Variants in APBB2 observed in about 807,000 individuals in gnomAD.
The protein encoded by APBB2 is Fe65-like 1.
Under a neutral mutation model 82.5 loss-of-function variants are expected in APBB2, and 38 were observed. That is an observed-to-expected ratio of 0.46 (90% CI 0.36 to 0.60). The LOEUF is 0.60. APBB2 is among the 20% of genes least tolerant of loss of function. The pLI is 0.00. For missense variants in APBB2, 772 were observed against 972.3 expected (o/e 0.79, Z 2.74); for synonymous variants, 341 against 368.2 (o/e 0.93, Z 0.85).
At chr4:40,936,452 C>T (rs536681378) in intron 7 of APBB2, among the ~76,000 whole-genome samples, 1 of 152,078 alleles carries the variant, frequency 6.6e-6, no homozygotes, top group Admixed American at 6.6e-5. Context: ...GATGGGGGTT[C>T]CATTATGCTA....
chr4:40,871,458 T>C (rs1044319408), intron 12 of APBB2, among the ~76,000 whole-genome samples: 1 of 152,250 alleles, frequency 6.6e-6, no homozygotes, highest in Non-Finnish European at 1.5e-5. Context: ...ACTCCTTTTC[T>C]GAAGTTTCCT....
intron 5 of APBB2, among the ~76,000 whole-genome samples, chr4:41,024,564 C>G (rs1007630658): frequency 6.6e-6 from 1 of 152,106 alleles, no homozygotes; most frequent in Admixed American, 6.5e-5. Context: ...AAGCCTGGAC[C>G]CAGGTGAAGT....
At chr4:40,909,649 G>A (rs1380076149) in intron 10 of APBB2, among the ~76,000 whole-genome samples, 1 of 152,182 alleles carries the variant, frequency 6.6e-6, no homozygotes, top group African/African-American at 2.4e-5. Flanking sequence ...AGAATGTCAT[G>A]GAACAAATTA....
At chr4:41,159,271 CAGGA>C (rs1764246220) in intron 1 of APBB2, among the ~76,000 whole-genome samples, 1 of 151,926 alleles carries the variant, frequency 6.6e-6, no homozygotes, top group South Asian at 2.1e-4. Flanking sequence ...TGATAGGAAA[CAGGA>C]AGGAAGAAGG....
At chr4:41,071,084 G>T (rs1733715904) in intron 3 of APBB2, among the ~76,000 whole-genome samples, 1 of 152,180 alleles carries the variant, frequency 6.6e-6, no homozygotes, top group Admixed American at 6.5e-5. Context: ...AAAATGCCAA[G>T]AATTCTCTCC....
intron 6 of APBB2, among the ~76,000 whole-genome samples, chr4:40,960,753 T>A (rs955278771): frequency 6.6e-6 from 1 of 152,176 alleles, no homozygotes; most frequent in South Asian, 2.1e-4. Context: ...CGCCACTTTT[T>A]TTCTGTTTTT....
chr4:41,019,334 G>A (rs970269053), intron 5 of APBB2, among the ~76,000 whole-genome samples: 1 of 152,092 alleles, frequency 6.6e-6, no homozygotes, highest in Non-Finnish European at 1.5e-5. Flanking sequence ...AGAAGAGAAG[G>A]GACAAGACCG....
intron 1 of APBB2, among the ~76,000 whole-genome samples, chr4:41,212,316 C>A (rs184205709): frequency 4.3e-4 from 66 of 152,154 alleles, no homozygotes; most frequent in African/African-American, 1.5e-3. Flanking sequence ...AGTGTAAACA[C>A]CAGTATTTTG....
intron 4 of APBB2, among the ~76,000 whole-genome samples, chr4:41,064,304 G>A (rs1319623503): frequency 1.3e-5 from 2 of 151,988 alleles, no homozygotes; most frequent in African/African-American, 4.8e-5. Context: ...ACAGACTTGA[G>A]CCACTGCTGG....
At chr4:40,884,896 GATC>G (rs1769777576) in intron 12 of APBB2, among the ~76,000 whole-genome samples, 1 of 152,150 alleles carries the variant, frequency 6.6e-6, no homozygotes, top group Admixed American at 6.5e-5. Context: ...AAGTTCCTGA[GATC>G]ATAATCAGAT....
At chr4:40,862,179 T>C (rs1762915783) in intron 12 of APBB2, among the ~76,000 whole-genome samples, 1 of 152,228 alleles carries the variant, frequency 6.6e-6, no homozygotes, top group East Asian at 1.9e-4. Context: ...ATTTGTTTGA[T>C]TACATGAGTA....
At chr4:40,911,046 T>C (rs1326931301) in intron 10 of APBB2, among the ~76,000 whole-genome samples, 2 of 152,274 alleles carry the variant, frequency 1.3e-5, no homozygotes, top group African/African-American at 4.8e-5. Flanking sequence ...ACACGGCAAG[T>C]TGCTGACCTT....
chr4:40,930,464 CGCGTGCGCGT>C lies in APBB2; in HGVS notation c.1254+3982_1254+3991del, dbSNP rs761396130. On this transcript the variant is annotated intron_variant, in intron 10 of 17. Coordinates refer to ENST00000508593, the MANE Select transcript of APBB2 (RefSeq NM_004307.2). Reference sequence around the variant, plus strand: ...GTGTGTGTGTGCGCGCGCGCGCGCGCGCGTGCGCGTGCGCGTATGCGTGTGTATGTGTGTG... The same window carrying C: ...GTGTGTGTGTGCGCGCGCGCGCGCGCGCGCGTATGCGTGTGTATGTGTGTG... Among the ~76,000 whole-genome samples, 949 of 133,028 alleles carry C rather than the reference CGCGTGCGCGT, an allele frequency of 7.1e-3. 10 individuals carry two copies. The highest frequency in any genetic ancestry group is 9.0e-3 in the Admixed American group (129 of 14,266). 87.3% of individuals were successfully genotyped at this position (133,028 alleles called of 152,430 possible). A position where few individuals can be genotyped will look rare whatever the true frequency, so the allele number is the denominator to read the frequency against.
intron 2 of APBB2, among the ~76,000 whole-genome samples, chr4:41,124,469 C>CA: frequency 6.6e-6 from 1 of 152,242 alleles, no homozygotes; most frequent in Non-Finnish European, 1.5e-5. Flanking sequence ...CCCCAAATCC[C>CA]AAAGTGCTGG....
chr4:41,161,227 A>G lies in APBB2; in HGVS notation c.-416-18085T>C, dbSNP rs548361665. ...AGTTTGGAATTGTGATTTGGCAAAT[A>G]TACAGCTTGGGTGAAACCATGACTT... On this transcript the variant is annotated intron_variant, in intron 1 of 17. Coordinates refer to ENST00000508593, the MANE Select transcript of APBB2 (RefSeq NM_004307.2). Among the ~76,000 whole-genome samples the G allele has an allele frequency of 2.0e-5, 3 of 151,448 alleles. No individual in the cohort carries two copies. The South Asian group carries it at 6.3e-4, about 32-fold the overall frequency.
At chr4:41,149,269 T>C (rs1761581242) in intron 1 of APBB2, among the ~76,000 whole-genome samples, 1 of 152,154 alleles carries the variant, frequency 6.6e-6, no homozygotes, top group African/African-American at 2.4e-5. Context: ...CCTGTAGTCA[T>C]TATTTTAAAG....
At chr4:41,175,634 T>C (rs777947428) in intron 1 of APBB2, among the ~76,000 whole-genome samples, 15 of 152,178 alleles carry the variant, frequency 9.9e-5, no homozygotes, top group East Asian at 1.9e-4. Flanking sequence ...TATAAACACA[T>C]AGTAAATTGT....
At chr4:41,123,860 C>A (rs894507182) in intron 2 of APBB2, among the ~76,000 whole-genome samples, 9 of 151,740 alleles carry the variant, frequency 5.9e-5, no homozygotes, top group Non-Finnish European at 1.0e-4. Flanking sequence ...CAAAAAAAAA[C>A]CACAAGTAAA....
At position 40,925,998 on chromosome 4, in the gene APBB2, G is replaced by C. The variant is rs145896416; in HGVS notation, c.1254+8458C>G. ...CCATCTGAGGTAAGTTATAACAAAA[G>C]AGTAAGGAGGCACACAAAGCTTTCA... On this transcript the variant is annotated intron_variant, in intron 10 of 17. Transcript: ENST00000508593. 6.6e-4 allele frequency among the ~76,000 whole-genome samples: 101 copies of C among 152,250 alleles called. 1 individual carries two copies. Among genetic ancestry groups the C allele is most frequent in the African/African-American group, 2.1e-3 (88 of 41,532 alleles).
Sources: allele counts gnomAD v4.1 joint callset (sites outside exome capture counted in the v4.1 genomes callset), GRCh38; gene constraint gnomAD v4.1.1; transcripts MANE v1.5; gene names NCBI Gene and HGNC (gene_info 2026-07-23, HGNC 2026-07-21).